ACER1: variants seen among roughly 807,000 people sequenced by gnomAD.
ACER1 encodes the protein alkaline ceramidase 1, also known as CTB-180A7.3.
Under a neutral mutation model 24.9 loss-of-function variants are expected in ACER1, and 28 were observed. The ratio of observed to expected loss-of-function variants is 1.13; its 90% confidence interval spans 0.83 to 1.54. The LOEUF (loss-of-function observed/expected upper bound fraction) is 1.54, where lower values mean the gene tolerates loss of function less well. Ranked by LOEUF, ACER1 falls within the 40% of genes most tolerant of loss-of-function variation. The pLI, the probability that ACER1 is intolerant of heterozygous loss-of-function variation, is 0.00. For synonymous variants in ACER1, 132 were observed against 131.4 expected (o/e 1.00, Z -0.03); for missense variants, 352 against 349.3 (o/e 1.01, Z -0.06).
At chr19:6,310,225 C>T in intron 3 of ACER1, among the ~76,000 whole-genome samples, 1 of 151,756 alleles carries the variant, frequency 6.6e-6, no homozygotes, top group East Asian at 2.0e-4. Flanking sequence ...GTAGCTGGGA[C>T]TACAGGCGCC....
chr19:6,312,412 C>T lies in ACER1; in HGVS notation c.181G>A (p.Val61Ile), dbSNP rs373391912. ...YAQKRSRYIY[V>I]VWVLFMIIGL... ...ATGATCATGAAGAGGACCCAGACAA[C>T]GTAAATGTAGCGGGAGCGCTTCTGG... Residue 61 changes from valine to isoleucine, a missense_variant, in exon 2 of 6, where the codon GTT becomes ATT. Coordinates refer to ENST00000301452, the MANE Select transcript of ACER1 (RefSeq NM_133492.3). 93 of 1,613,970 alleles carry T rather than the reference C, an allele frequency of 5.8e-5. No homozygotes were observed. Among genetic ancestry groups the T allele is most frequent in the Non-Finnish European group, 6.4e-5 (75 of 1,179,996 alleles).
the ACER1 span, among the ~76,000 whole-genome samples, chr19:6,351,649 C>T: frequency 6.8e-6 from 1 of 146,404 alleles, no homozygotes; most frequent in East Asian, 1.9e-4. Flanking sequence ...AGGAAGATCG[C>T]TTGAGCCTGG....
chr19:6,340,151 C>A, the ACER1 span, among the ~76,000 whole-genome samples: 5,480 of 151,238 alleles, frequency 0.036, 341 homozygotes, highest in African/African-American at 0.13. Context: ...CGTGGTGGTG[C>A]GTGCCTGTAA....
chr19:6,338,566 T>G (rs2091723496), upstream of ACER1, among the ~76,000 whole-genome samples: 1 of 152,204 alleles, frequency 6.6e-6, no homozygotes, highest in Non-Finnish European at 1.5e-5. Context: ...TATTGCAGGT[T>G]CCTGCAAGTT....
the ACER1 span, among the ~76,000 whole-genome samples, chr19:6,343,412 CATGTGGCCTCCACTCCCAAT>C: frequency 1.3e-5 from 2 of 152,026 alleles, no homozygotes; most frequent in African/African-American, 2.4e-5. Context: ...TCCATCTCAA[CATGTGGCCTCCACTCCCAAT>C]ATGTGGCCTC....
At chr19:6,357,118 C>T in the ACER1 span, among the ~76,000 whole-genome samples, 2 of 148,268 alleles carry the variant, frequency 1.3e-5, no homozygotes, top group Non-Finnish European at 3.0e-5. Context: ...AATCTTGGCT[C>T]ACTGCAACTT....
chr19:6,336,562 T>C (rs772471201), upstream of ACER1, among the ~76,000 whole-genome samples: 5 of 152,148 alleles, frequency 3.3e-5, no homozygotes, highest in Non-Finnish European at 7.4e-5. Context: ...GGCTCATGCC[T>C]GTAATCCCAG....
At chr19:6,326,705 T>G (rs920655716) in intron 1 of ACER1, among the ~76,000 whole-genome samples, 6 of 152,110 alleles carry the variant, frequency 3.9e-5, no homozygotes, top group Non-Finnish European at 8.8e-5. Context: ...TTTCTAATTC[T>G]GGGTCTCTTA....
At chr19:6,356,481 AAAAT>A in the ACER1 span, among the ~76,000 whole-genome samples, 1,046 of 143,068 alleles carry the variant, frequency 7.3e-3, 15 homozygotes, top group African/African-American at 0.026. Context: ...AAAAATAAAT[AAAAT>A]AAATAAATAA....
the ACER1 span, among the ~76,000 whole-genome samples, chr19:6,354,180 T>A: frequency 2.7e-5 from 4 of 150,696 alleles, 1 homozygote; most frequent in Admixed American, 1.3e-4. Context: ...AGAGACCATC[T>A]CAAAAATAAA....
the ACER1 span, among the ~76,000 whole-genome samples, chr19:6,346,008 G>A: frequency 3.9e-5 from 6 of 151,984 alleles, no homozygotes; most frequent in South Asian, 2.1e-4. Flanking sequence ...GATTCCAGGC[G>A]TGAGCCACTG....
chr19:6,312,009 A>G, intron 3 of ACER1, 140 bp downstream of exon 3: 1 of 1,193,418 alleles, frequency 8.4e-7, no homozygotes, highest in Non-Finnish European at 1.1e-6. Context: ...GTCAGGAGAA[A>G]ACCCGAAGTG....
At position 6,312,443 on chromosome 19, in the gene ACER1, C is replaced by T. The variant is rs768048484; in HGVS notation, c.150G>A (p.Pro50=). Residue 50 remains proline (P), a synonymous_variant, in exon 2 of 6, where the codon CCG becomes CCA. Transcript: ENST00000301452. ...FGPLMMLLMH[P]YAQKRSRYIY... ...TGTAGCGGGAGCGCTTCTGGGCATACGGGTGCATCAGGAGCATCATCAGTG... is the reference window on the plus strand; with the variant it reads ...TGTAGCGGGAGCGCTTCTGGGCATATGGGTGCATCAGGAGCATCATCAGTG... The T allele has an allele frequency of 4.3e-6, 7 of 1,613,820 alleles. No homozygotes were observed. The highest frequency in any genetic ancestry group is 5.1e-6 in the Non-Finnish European group (6 of 1,180,016).
At chr19:6,342,751 A>T in the ACER1 span, among the ~76,000 whole-genome samples, 3 of 151,958 alleles carry the variant, frequency 2.0e-5, no homozygotes, top group Admixed American at 6.6e-5. Flanking sequence ...AATAAAATAA[A>T]AACAAACTAT....
chr19:6,310,596 T>C (rs975360599), intron 3 of ACER1, among the ~76,000 whole-genome samples: 2 of 150,252 alleles, frequency 1.3e-5, no homozygotes, highest in Non-Finnish European at 3.0e-5. Context: ...AAAAGGGTCC[T>C]AGCCCGGCAC....
At chr19:6,312,101 C>T in intron 3 of ACER1, 48 bp downstream of exon 3, 1 of 1,595,822 alleles carries the variant, frequency 6.3e-7, no homozygotes. Flanking sequence ...GTAGAGTCAA[C>T]TGAAGACTCA....
intron 1 of ACER1, among the ~76,000 whole-genome samples, chr19:6,321,033 A>G (rs2091628064): frequency 6.6e-6 from 1 of 151,812 alleles, no homozygotes; most frequent in Non-Finnish European, 1.5e-5. Flanking sequence ...CAAGACATAA[A>G]TCACATACTA....
At chr19:6,335,691 C>T (rs1025798270), upstream of ACER1, among the ~76,000 whole-genome samples, 1 of 151,492 alleles carries the variant, frequency 6.6e-6, no homozygotes, top group South Asian at 2.1e-4. Flanking sequence ...GGTAGCTGGG[C>T]GTGATGGTGG....
intron 1 of ACER1, among the ~76,000 whole-genome samples, chr19:6,323,578 CTTCT>C (rs1277462017): frequency 1.3e-5 from 2 of 152,164 alleles, no homozygotes; most frequent in African/African-American, 4.8e-5. Flanking sequence ...GTCCATTAAA[CTTCT>C]TTCTTTTGTA....
Sources: gnomAD v4.1 joint callset for allele counts (sites outside exome capture counted in the v4.1 genomes callset) on GRCh38, gnomAD v4.1.1 for gene constraint, MANE v1.5 for transcripts, NCBI Gene and HGNC (gene_info 2026-07-23, HGNC 2026-07-21) for gene names.